Variants in DYNC2H1 observed in about 807,000 individuals in gnomAD.
DYNC2H1 encodes the protein dynein cytoplasmic 2 heavy chain 1.
Under a neutral mutation model 570.0 loss-of-function variants are expected in DYNC2H1, and 410 were observed. The observed-to-expected ratio is 0.72, with a 90% CI of 0.66 to 0.78. The LOEUF (loss-of-function observed/expected upper bound fraction) is 0.78, where lower values mean the gene tolerates loss of function less well. Ranked by LOEUF, DYNC2H1 falls within the 30% of genes least tolerant of loss-of-function variation. The pLI is 0.00. For missense variants in DYNC2H1, 4,865 were observed against 5,046.4 expected (o/e 0.96, Z 1.09); for synonymous variants, 1,688 against 1,677.6 (o/e 1.01, Z -0.15).
Position 103,151,626 on chromosome 11 carries a change from C to T in DYNC2H1, c.2947-510C>T, listed in dbSNP as rs933142974. On this transcript the variant is annotated intron_variant, in intron 20 of 88. Transcript: ENST00000375735. This position sits in a 1 kb window ranked among gnomAD's most constrained non-coding sequence, Gnocchi z 4.6. Reference sequence around the variant, plus strand: ...TAGCTATATACAACTTAGGGCACTTCAGTTAAAAACCCTGAATGCATGAGC... The same window carrying T: ...TAGCTATATACAACTTAGGGCACTTTAGTTAAAAACCCTGAATGCATGAGC... Among the ~76,000 whole-genome samples, 1 of 152,170 alleles carries T rather than the reference C, an allele frequency of 6.6e-6. No individual in the cohort carries two copies. Among genetic ancestry groups the T allele is most frequent in the Non-Finnish European group, 1.5e-5 (1 of 68,030 alleles).
chr11:103,275,596 G>T lies in DYNC2H1; in HGVS notation c.10696-4752G>T, dbSNP rs890679254. On this transcript the variant is annotated intron_variant, in intron 70 of 88. Transcript: ENST00000375735. The surrounding 1 kb of genome is among the most constrained non-coding windows in gnomAD (Gnocchi z 4.8). ...TCTAATTATATTTGTCATATAATTG[G>T]AATCATACAGTATGTCAGTATGTAG... 6.6e-6 allele frequency among the ~76,000 whole-genome samples: 1 copy of T among 152,058 alleles called. No homozygotes were observed. Among genetic ancestry groups the T allele is most frequent in the Non-Finnish European group, 1.5e-5 (1 of 68,018 alleles).
At chr11:103,200,902 C>G (rs1862693387) in intron 50 of DYNC2H1, among the ~76,000 whole-genome samples, 1 of 152,212 alleles carries the variant, frequency 6.6e-6, no homozygotes, top group South Asian at 2.1e-4. Flanking sequence ...TCTCGGCTCA[C>G]TGCAACCTCC....
At chr11:103,198,093 G>T in intron 48 of DYNC2H1, 30 bp downstream of exon 48, 2 of 1,544,100 alleles carry the variant, frequency 1.3e-6, no homozygotes, top group South Asian at 2.4e-5. Context: ...TTGGAACTGG[G>T]ATTTGGTCAT....
At chr11:103,391,238 T>G (rs906823897) in intron 83 of DYNC2H1, among the ~76,000 whole-genome samples, 7 of 152,230 alleles carry the variant, frequency 4.6e-5, no homozygotes, top group Admixed American at 1.3e-4. Flanking sequence ...TCGCTTCATT[T>G]CATTCTTTTG....
At position 103,479,324 on chromosome 11, in the gene DYNC2H1, G is replaced by C. The variant is rs1314024401; in HGVS notation, c.*71G>C. 2.6e-6 allele frequency: 4 copies of C among 1,510,882 alleles called. No individual in the cohort carries two copies. The highest frequency in any genetic ancestry group is 2.8e-5 in the African/African-American group (2 of 72,276). 93.6% of individuals were successfully genotyped at this position (1,510,882 alleles called of 1,614,324 possible). On this transcript the variant is annotated 3_prime_UTR_variant, in exon 89 of 89. Coordinates refer to ENST00000375735, the MANE Select transcript of DYNC2H1 (RefSeq NM_001377.3). ...TCTTTAAGCTTTAAATCAAACATGT[G>C]GTCAGTCTACATTTGAAATGTTAGT...
intron 83 of DYNC2H1, among the ~76,000 whole-genome samples, chr11:103,372,685 CTTTTTCTTTGCTGTGT>C (rs556354479): frequency 3.4e-4 from 52 of 152,174 alleles, no homozygotes; most frequent in African/African-American, 1.2e-3. Context: ...CTGTAGTTTG[CTTTTTCTTTGCTGTGT>C]TTTTTCTTTG....
At chr11:103,427,145 C>A (rs1159393610) in intron 84 of DYNC2H1, among the ~76,000 whole-genome samples, 2 of 151,854 alleles carry the variant, frequency 1.3e-5, no homozygotes, top group Non-Finnish European at 2.9e-5. Context: ...AATTATAACC[C>A]CAACATGCCT....
At chr11:103,128,292 G>A (rs1349531264) in intron 12 of DYNC2H1, among the ~76,000 whole-genome samples, 2 of 152,198 alleles carry the variant, frequency 1.3e-5, no homozygotes, top group Non-Finnish European at 2.9e-5. Flanking sequence ...CACTCTGGCT[G>A]CTTTGAATAG....
Position 103,154,435 on chromosome 11 carries a change from A to G in DYNC2H1, c.3303-16A>G, listed in dbSNP as rs1002226618. 9 of 1,504,902 alleles carry G rather than the reference A, an allele frequency of 6.0e-6. No homozygotes were observed. Among genetic ancestry groups the G allele is most frequent in the Non-Finnish European group, 6.2e-6 (7 of 1,133,894 alleles). 93.2% of individuals were successfully genotyped at this position (1,504,902 alleles called of 1,614,324 possible). On this transcript the variant is annotated splice_polypyrimidine_tract_variant and intron_variant, in intron 22 of 88. Coordinates refer to ENST00000375735, the MANE Select transcript of DYNC2H1 (RefSeq NM_001377.3). ...TCTGTTTTTAAAATTTAATATTTCAATATTTGTTTCTATAGTGATGATTGC... is the reference window on the plus strand; with the variant it reads ...TCTGTTTTTAAAATTTAATATTTCAGTATTTGTTTCTATAGTGATGATTGC...
Position 103,109,520 on chromosome 11 carries a change from G to A in DYNC2H1, c.-55G>A. On this transcript the variant is annotated 5_prime_UTR_variant, in exon 1 of 89. Transcript: ENST00000375735. Reference sequence around the variant, plus strand: ...CCTCTCTTCCCTTCACTTCCCTCCGGACTGGTTTCTTCTTCCTTCCCCCTT... The same window carrying A: ...CCTCTCTTCCCTTCACTTCCCTCCGAACTGGTTTCTTCTTCCTTCCCCCTT... 6.5e-7 allele frequency: 1 copy of A among 1,527,768 alleles called. No individual in the cohort carries two copies. The highest frequency in any genetic ancestry group is 1.8e-5 in the Admixed American group (1 of 54,406). 94.6% of individuals were successfully genotyped at this position (1,527,768 alleles called of 1,614,324 possible).
chr11:103,205,109 T>A lies in DYNC2H1; in HGVS notation c.8454+145T>A. 2 of 764,976 alleles carry A rather than the reference T, an allele frequency of 2.6e-6. No individual in the cohort carries two copies. The highest frequency in any genetic ancestry group is 4.0e-6 in the Non-Finnish European group (2 of 504,010). The allele number at this position is 764,976 out of a possible 1,614,324, so 47.4% of individuals were successfully genotyped here. A position where few individuals can be genotyped will look rare whatever the true frequency, so the allele number is the denominator to read the frequency against. On this transcript the variant is annotated intron_variant, in intron 52 of 88. Coordinates refer to ENST00000375735, the MANE Select transcript of DYNC2H1 (RefSeq NM_001377.3). The surrounding 1 kb of genome is among the most constrained non-coding windows in gnomAD (Gnocchi z 4.5). Reference sequence around the variant, plus strand: ...TTATGTTTGGAAATGTCTGTTTTCTTCGTACTCTTGCATCATAATTTAGTT... The same window carrying A: ...TTATGTTTGGAAATGTCTGTTTTCTACGTACTCTTGCATCATAATTTAGTT...
At chr11:103,459,318 AAAAAAAAAAAAAAAAG>A (rs1265459836) in intron 87 of DYNC2H1, among the ~76,000 whole-genome samples, 8 of 147,208 alleles carry the variant, frequency 5.4e-5, no homozygotes, top group African/African-American at 2.0e-4. Flanking sequence ...CAAAAAAAAA[AAAAAAAAAAAAAAAAG>A]GAAATTCCAT....
At chr11:103,291,800 A>G (rs1308023964) in intron 75 of DYNC2H1, among the ~76,000 whole-genome samples, 1 of 152,222 alleles carries the variant, frequency 6.6e-6, no homozygotes, top group Non-Finnish European at 1.5e-5. Context: ...TTATCATTAC[A>G]CAATGACTTT....
At chr11:103,388,642 C>G (rs189105042) in intron 83 of DYNC2H1, among the ~76,000 whole-genome samples, 8,023 of 152,044 alleles carry the variant, frequency 0.053, 261 homozygotes, top group Non-Finnish European at 0.076. Context: ...CTGTGGGTTT[C>G]TCATAGATAG....
At chr11:103,192,391 C>A in intron 47 of DYNC2H1, 127 bp downstream of exon 47, 1 of 655,672 alleles carries the variant, frequency 1.5e-6, no homozygotes, top group Non-Finnish European at 2.2e-6. Context: ...ATTATTTTTC[C>A]GTAAGGTACA....
chr11:103,109,680 T>C lies in DYNC2H1; in HGVS notation c.106T>C (p.Cys36Arg). ...ELWDQPLLCN[C>R]LEINNFLDDG... ...CTGGGATCAGCCACTGTTGTGCAACTGTCTTGAAATCAACAACTTCTTGGA... is the reference window on the plus strand; with the variant it reads ...CTGGGATCAGCCACTGTTGTGCAACCGTCTTGAAATCAACAACTTCTTGGA... The change falls in exon 1 of 89, where the codon TGT becomes CGT. Residue 36 changes from cysteine to arginine, a missense_variant. Coordinates refer to ENST00000375735, the MANE Select transcript of DYNC2H1 (RefSeq NM_001377.3). 6.2e-7 allele frequency: 1 copy of C among 1,614,012 alleles called. No homozygotes were observed. The highest frequency in any genetic ancestry group is 1.1e-5 in the South Asian group (1 of 91,074).
At chr11:103,149,778 G>C (rs1860444052) in intron 20 of DYNC2H1, among the ~76,000 whole-genome samples, 1 of 151,954 alleles carries the variant, frequency 6.6e-6, no homozygotes, top group African/African-American at 2.4e-5. Flanking sequence ...GCGTGTGTGT[G>C]TGTGTGAGAG....
In DYNC2H1 at chr11:103,177,858, A is replaced by G; in HGVS notation, c.6139+38A>G. 4.5e-6 allele frequency: 7 copies of G among 1,560,862 alleles called. No homozygotes were observed. The highest frequency in any genetic ancestry group is 6.0e-6 in the Non-Finnish European group (7 of 1,162,532). On this transcript the variant is annotated intron_variant, in intron 38 of 88. Coordinates refer to ENST00000375735, the MANE Select transcript of DYNC2H1 (RefSeq NM_001377.3). This position sits in a 1 kb window ranked among gnomAD's most constrained non-coding sequence, Gnocchi z 4.4. ...GTATACTTCTTTGCTTTACTTAGTA[A>G]TTCTTAGATAATGATATAATTTGTC... is the stretch of plus-strand genomic sequence containing the variant.
Position 103,177,829 on chromosome 11 carries a change from CTATG to C in DYNC2H1, c.6139+13_6139+16del, listed in dbSNP as rs1409674447. ...GGTTCGGGAACCTCAAGGTTAGTCT[CTATG>C]TATACTTCTTTGCTTTACTTAGTAA... On this transcript the variant is annotated intron_variant, in intron 38 of 88. Transcript: ENST00000375735. This position sits in a 1 kb window ranked among gnomAD's most constrained non-coding sequence, Gnocchi z 4.4. 6.3e-7 allele frequency: 1 copy of C among 1,594,482 alleles called. No homozygotes were observed.
Sources: allele counts gnomAD v4.1 joint callset (sites outside exome capture counted in the v4.1 genomes callset), GRCh38; gene constraint gnomAD v4.1.1; non-coding constraint Gnocchi (gnomAD v3.1); transcripts MANE v1.5; gene names NCBI Gene and HGNC (gene_info 2026-07-23, HGNC 2026-07-21).